The following KIF13B variants were observed in gnomAD, a reference collection of about 807,000 sequenced individuals.
KIF13B encodes kinesin family member 13B, also known as kinesin-like protein KIF13B.
In KIF13B, 127 loss-of-function variants were observed where a neutral mutation model predicts 222.0. The ratio of observed to expected loss-of-function variants is 0.57; its 90% CI spans 0.50 to 0.66. The LOEUF (loss-of-function observed/expected upper bound fraction) is 0.66. Ranked by LOEUF, KIF13B falls within the 30% of genes least tolerant of loss-of-function variation. The pLI is 0.00. For missense variants in KIF13B, 2,173 were observed against 2,379.0 expected (o/e 0.91, Z 1.80); for synonymous variants, 976 against 919.0 (o/e 1.06, Z -1.12).
chr8:29,073,258 TG>T (rs1316546371), intron 38 of KIF13B, among the ~76,000 whole-genome samples: 1 of 145,640 alleles, frequency 6.9e-6, no homozygotes, highest in Non-Finnish European at 1.5e-5. Context: ...TGTCAGGGGC[TG>T]GGGGGGCCTC....
chr8:29,250,879 G>A (rs1206372814), intron 1 of KIF13B, among the ~76,000 whole-genome samples: 1 of 152,198 alleles, frequency 6.6e-6, no homozygotes, highest in Admixed American at 6.5e-5. Flanking sequence ...AAATTGTGTT[G>A]CTACAAGATT....
chr8:29,070,839 G>T lies in KIF13B; in HGVS notation c.5219-73C>A. The stretch of plus-strand genomic sequence containing the variant: ...GGCCCCCTGCACCTCCCTTACCTCT[G>T]CAGAGGCCATGTGCCCACACTGCCA... On this transcript the variant is annotated intron_variant, in intron 39 of 39. Coordinates refer to ENST00000524189, the MANE Select transcript of KIF13B (RefSeq NM_015254.4). This position sits in a 1 kb window ranked among gnomAD's most constrained non-coding sequence, Gnocchi z 4.1. 2.7e-6 allele frequency: 4 copies of T among 1,507,472 alleles called. No individual in the cohort carries two copies. Among genetic ancestry groups the T allele is most frequent in the Non-Finnish European group, 3.6e-6 (4 of 1,111,954 alleles). The allele number at this position is 1,507,472 out of a possible 1,614,324, so 93.4% of individuals were successfully genotyped here. A position where few individuals can be genotyped will look rare whatever the true frequency, so the allele number is the denominator to read the frequency against.
chr8:29,070,183 G>T lies in KIF13B; in HGVS notation c.*321C>A. The T allele has an allele frequency of 2.4e-6, 1 of 413,868 alleles. No individual in the cohort carries two copies. The highest frequency in any genetic ancestry group is 4.3e-6 in the Non-Finnish European group (1 of 230,012). 25.6% of individuals were successfully genotyped at this position (413,868 alleles called of 1,614,324 possible). On this transcript the variant is annotated 3_prime_UTR_variant, in exon 40 of 40. Coordinates refer to ENST00000524189, the MANE Select transcript of KIF13B (RefSeq NM_015254.4). This position sits in a 1 kb window ranked among gnomAD's most constrained non-coding sequence, Gnocchi z 4.1. Reference sequence around the variant, plus strand: ...GAAATGATAGAAAGAGCAACATAAGGCCCCAGGCACAGGCACACAGCAAGA... The same window carrying T: ...GAAATGATAGAAAGAGCAACATAAGTCCCCAGGCACAGGCACACAGCAAGA...
At chr8:29,140,666 A>T in intron 19 of KIF13B, 49 bp from the exon 20 acceptor site, 1 of 1,540,186 alleles carries the variant, frequency 6.5e-7, no homozygotes. Context: ...ATTTACAATA[A>T]ATGCATTCAA....
rs1392630326 is a variant in KIF13B at position 29,067,435 on chromosome 8, T to C, written c.*3069A>G. On this transcript the variant is annotated 3_prime_UTR_variant, in exon 40 of 40. Transcript: ENST00000524189. ...AGTCTTTGGATTTTTTAAACTCCCATTTACTGTGTACCAAATCAATATAAT... is the reference window on the plus strand; with the variant it reads ...AGTCTTTGGATTTTTTAAACTCCCACTTACTGTGTACCAAATCAATATAAT... The C allele has an allele frequency of 6.6e-6, 1 of 152,600 alleles. No individual in the cohort carries two copies. The highest frequency in any genetic ancestry group is 1.5e-5 in the Non-Finnish European group (1 of 68,044). 9.5% of individuals were successfully genotyped at this position (152,600 alleles called of 1,614,324 possible).
At chr8:29,225,580 GT>G (rs1814985094) in intron 2 of KIF13B, among the ~76,000 whole-genome samples, 1 of 152,150 alleles carries the variant, frequency 6.6e-6, no homozygotes, top group African/African-American at 2.4e-5. Context: ...CTAAACATTT[GT>G]TTTTAGACTA....
At position 29,180,140 on chromosome 8, in the gene KIF13B, G is replaced by A; in HGVS notation, c.684C>T (p.Ile228=). ...ESSRSHAVFK[I]TLTHTLYDVK... ...CATCGTAGAGAGTATGTGTGAGGGT[G>A]ATTTTGAAAACTGCATGGGATCGGC... Residue 228 remains isoleucine (I), a synonymous_variant, in exon 8 of 40, where the codon ATC becomes ATT. Transcript: ENST00000524189. The A allele has an allele frequency of 6.2e-7, 1 of 1,613,950 alleles. No homozygotes were observed.
rs531988700 is a variant in KIF13B at position 29,102,329 on chromosome 8, C to A, written c.4216-3088G>T. Among the ~76,000 whole-genome samples, 121 of 152,386 alleles carry A rather than the reference C, an allele frequency of 7.9e-4. 1 individual carries two copies. The highest frequency in any genetic ancestry group is 1.6e-3 in the Non-Finnish European group (107 of 68,042). On this transcript the variant is annotated intron_variant, in intron 35 of 39. Transcript: ENST00000524189. ...GATCTGTCTCCAACATCCTGCATGT[C>A]TACCACACTTCAGAATCAGCCATGA...
chr8:29,124,046 C>T lies in KIF13B; in HGVS notation c.3330G>A (p.Leu1110=). 1 of 1,610,826 alleles carries T rather than the reference C, an allele frequency of 6.2e-7. No homozygotes were observed. Among genetic ancestry groups the T allele is most frequent in the Non-Finnish European group, 8.5e-7 (1 of 1,177,466 alleles). The part of the protein sequence containing the change: ...TKRQEYLDQQ[L]QKLVSKRDKT... ...TACCACGTTTACTGACAAGCTTTTG[C>T]AATTGTTGATCCAAGTACTCCTGAC... Residue 1110 remains leucine, a synonymous_variant, in exon 27 of 40, where the codon TTG becomes TTA. Coordinates refer to ENST00000524189, the MANE Select transcript of KIF13B (RefSeq NM_015254.4).
intron 26 of KIF13B, among the ~76,000 whole-genome samples, chr8:29,125,150 G>T (rs577913971): frequency 1.4e-4 from 22 of 152,266 alleles, no homozygotes; most frequent in Middle Eastern, 6.8e-3. Context: ...GTCAAAACAG[G>T]CTCTTGAAGA....
In KIF13B at chr8:29,097,433, G is replaced by T. The variant is rs78757768; in HGVS notation, c.4324+1700C>A. Among the ~76,000 whole-genome samples, 1,329 of 152,194 alleles carry T rather than the reference G, an allele frequency of 8.7e-3. 21 individuals carry two copies. Among genetic ancestry groups the T allele is most frequent in the African/African-American group, 0.03 (1,244 of 41,512 alleles). ...GCCCTCTCAAGAACTGATGGAATAG[G>T]CCTCCACCAAATCAGCAAAGATCCA... On this transcript the variant is annotated intron_variant, in intron 36 of 39. Transcript: ENST00000524189.
At chr8:29,122,047 G>A (rs1182236474) in intron 29 of KIF13B, among the ~76,000 whole-genome samples, 1 of 152,090 alleles carries the variant, frequency 6.6e-6, no homozygotes, top group Non-Finnish European at 1.5e-5. Flanking sequence ...GAGGTCAGGA[G>A]ATCGAGACCA....
At chr8:29,156,711 G>A (rs539888483) in intron 13 of KIF13B, among the ~76,000 whole-genome samples, 91 of 149,158 alleles carry the variant, frequency 6.1e-4, no homozygotes, top group Middle Eastern at 3.4e-3. Context: ...TGTAGAGACA[G>A]GGTCTCACTA....
At position 29,127,877 on chromosome 8, in the gene KIF13B, A is replaced by T. The variant is rs10097307; in HGVS notation, c.3076-609T>A. Among the ~76,000 whole-genome samples the T allele has an allele frequency of 1.3e-5, 2 of 151,894 alleles. 1 individual carries two copies. The highest frequency in any genetic ancestry group is 2.9e-5 in the Non-Finnish European group (2 of 67,954). On this transcript the variant is annotated intron_variant, in intron 24 of 39. Coordinates refer to ENST00000524189, the MANE Select transcript of KIF13B (RefSeq NM_015254.4). Reference sequence around the variant, plus strand: ...CACAAATTGAATGAATATTTTATACATTCAATAACTTTATTATTTGTTTTA... The same window carrying T: ...CACAAATTGAATGAATATTTTATACTTTCAATAACTTTATTATTTGTTTTA...
intron 1 of KIF13B, among the ~76,000 whole-genome samples, chr8:29,253,528 C>G (rs1751422482): frequency 6.6e-6 from 1 of 152,006 alleles, no homozygotes; most frequent in African/African-American, 2.4e-5. Flanking sequence ...TGCACTTCAG[C>G]CTGGGCAACA....
intron 38 of KIF13B, among the ~76,000 whole-genome samples, chr8:29,074,105 C>T (rs1445850712): frequency 1.3e-5 from 2 of 152,212 alleles, no homozygotes; most frequent in African/African-American, 4.8e-5. Flanking sequence ...TCCCCGCCCC[C>T]ACCCCGGGTA....
intron 28 of KIF13B, 38 bp from the exon 29 acceptor site, chr8:29,122,684 A>C: frequency 6.4e-7 from 1 of 1,553,804 alleles, no homozygotes; most frequent in Non-Finnish European, 8.8e-7. Context: ...GCCTCAGGTT[A>C]CTTTCTCAGT....
At chr8:29,107,494 C>T (rs1809129841) in intron 35 of KIF13B, among the ~76,000 whole-genome samples, 1 of 151,922 alleles carries the variant, frequency 6.6e-6, no homozygotes, top group African/African-American at 2.4e-5. Context: ...CGTCATTGCA[C>T]TCCAGCCTGG....
intron 37 of KIF13B, among the ~76,000 whole-genome samples, chr8:29,082,463 G>T (rs62502812): frequency 4.6e-5 from 7 of 151,486 alleles, no homozygotes; most frequent in Admixed American, 2.0e-4. Flanking sequence ...ACATACCAAG[G>T]CCTCATTTTT....
Sources: gnomAD v4.1 joint callset for allele counts (sites outside exome capture counted in the v4.1 genomes callset) on GRCh38, gnomAD v4.1.1 for gene constraint, Gnocchi (gnomAD v3.1) non-coding constraint, MANE v1.5 for transcripts, NCBI Gene and HGNC (gene_info 2026-07-23, HGNC 2026-07-21) for gene names.